Variants in TTC39C observed in about 807,000 individuals in gnomAD.
TTC39C encodes tetratricopeptide repeat domain 39C, also known as tetratricopeptide repeat protein 39C.
A neutral mutation model predicts 76.3 loss-of-function variants in TTC39C; 33 were observed. That is an observed-to-expected ratio of 0.43 (90% confidence interval 0.33 to 0.58). The LOEUF is 0.58. TTC39C is among the 20% of genes least tolerant of loss of function. TTC39C has a pLI of 0.04. For missense variants in TTC39C, 595 were observed against 701.4 expected (o/e 0.85, Z 1.71); for synonymous variants, 254 against 260.6 (o/e 0.97, Z 0.24).
chr18:24,053,806 G>A lies in TTC39C; in HGVS notation c.168-10334G>A, dbSNP rs369768772. On this transcript the variant is annotated intron_variant, in intron 1 of 13. Coordinates refer to ENST00000317571, the MANE Select transcript of TTC39C (RefSeq NM_001135993.2). ...GCCTTTATTTAGTGCTGACTTTTAC[G>A]TGTTCAAAGCACATATTTTTAGTTT... Among the ~76,000 whole-genome samples, 12 of 152,224 alleles carry A rather than the reference G, an allele frequency of 7.9e-5. No individual in the cohort carries two copies. In the East Asian group the frequency reaches 1.7e-3, roughly 22 times the overall value.
chr18:24,098,501 C>T (rs2084624522), intron 6 of TTC39C, among the ~76,000 whole-genome samples: 1 of 93,164 alleles, frequency 1.1e-5, no homozygotes, highest in South Asian at 5.2e-4. Context: ...CTCTCCTATC[C>T]TCTCCTCTCC....
At position 24,015,013 on chromosome 18, in the gene TTC39C, TCGGA is replaced by T; in HGVS notation, c.144_147del (p.Asp49SerfsTer12). On this transcript the variant is annotated frameshift_variant, in exon 1 of 14. Coordinates refer to ENST00000317571, the MANE Select transcript of TTC39C (RefSeq NM_001135993.2). LOFTEE classifies it high-confidence loss of function. ...GCTGCTCAACAACGGCTTCAGGGAG[TCGGA>T]CCAGCTTTTCAAACAATACAGGTGA... 6.6e-7 allele frequency: 1 copy of T among 1,504,858 alleles called. No individual in the cohort carries two copies. The highest frequency in any genetic ancestry group is 8.9e-7 in the Non-Finnish European group (1 of 1,125,908). 93.2% of individuals were successfully genotyped at this position (1,504,858 alleles called of 1,614,324 possible).
At chr18:24,078,991 G>A (rs1185903912) in intron 4 of TTC39C, among the ~76,000 whole-genome samples, 4 of 151,996 alleles carry the variant, frequency 2.6e-5, no homozygotes, top group South Asian at 2.1e-4. Context: ...TCTCAATTCC[G>A]GGATTGGGTT....
upstream of TTC39C, chr18:24,013,069 G>A (rs545417448): frequency 1.3e-5 from 2 of 152,216 alleles, no homozygotes; most frequent in South Asian, 2.1e-4. Flanking sequence ...CAGCCTCTCA[G>A]TGCCATGAAG....
At chr18:24,110,654 A>G (rs2084797534) in intron 6 of TTC39C, among the ~76,000 whole-genome samples, 1 of 152,216 alleles carries the variant, frequency 6.6e-6, no homozygotes, top group Non-Finnish European at 1.5e-5. Flanking sequence ...AATACCTAGG[A>G]ATATACCTAC....
rs1393465639 is a variant in TTC39C at position 24,134,822 on chromosome 18, C to G, written c.*2248C>G. On this transcript the variant is annotated 3_prime_UTR_variant, in exon 14 of 14. Coordinates refer to ENST00000317571, the MANE Select transcript of TTC39C (RefSeq NM_001135993.2). ...AGGTCCTGTGCTTTTGAATCTTTTT[C>G]AAAACATTTATTTCTGCCTGCTTAA... 6.6e-6 allele frequency: 1 copy of G among 151,922 alleles called. No individual in the cohort carries two copies. The highest frequency in any genetic ancestry group is 2.1e-4 in the South Asian group (1 of 4,826). The allele number at this position is 151,922 out of a possible 1,614,324, so 9.4% of individuals were successfully genotyped here. A position where few individuals can be genotyped will look rare whatever the true frequency, so the allele number is the denominator to read the frequency against.
At chr18:24,022,278 T>C (rs1319790319) in intron 1 of TTC39C, among the ~76,000 whole-genome samples, 1 of 150,618 alleles carries the variant, frequency 6.6e-6, no homozygotes, top group Non-Finnish European at 1.5e-5. Context: ...TTTTAAAGGC[T>C]CACATCTTTT....
At chr18:24,088,679 G>C (rs986454290) in intron 6 of TTC39C, among the ~76,000 whole-genome samples, 5 of 152,196 alleles carry the variant, frequency 3.3e-5, no homozygotes, top group Admixed American at 2.0e-4. Context: ...CTGAGAAAGG[G>C]ACAGTGATAG....
chr18:24,009,654 C>T (rs2083380615), intron 1 of TTC39C, among the ~76,000 whole-genome samples: 1 of 152,356 alleles, frequency 6.6e-6, no homozygotes, highest in African/African-American at 2.4e-5. Flanking sequence ...AGACACACCC[C>T]AGTCAAGGGC....
chr18:24,115,269 C>A (rs1341819006), intron 7 of TTC39C, among the ~76,000 whole-genome samples: 1 of 152,220 alleles, frequency 6.6e-6, no homozygotes, highest in East Asian at 1.9e-4. Context: ...TTTCCCCATT[C>A]TCCTCCAGAA....
intron 1 of TTC39C, among the ~76,000 whole-genome samples, chr18:23,993,794 TA>T (rs2083238560): frequency 6.6e-6 from 1 of 152,212 alleles, no homozygotes; most frequent in African/African-American, 2.4e-5. Flanking sequence ...TATACTAATT[TA>T]ATTGTCTTGG....
chr18:24,022,523 T>C, intron 1 of TTC39C: 1 of 981,554 alleles, frequency 1.0e-6, no homozygotes, highest in Non-Finnish European at 1.2e-6. Flanking sequence ...GACCATGTGC[T>C]ATCTACCTCT....
At chr18:24,098,673 C>T (rs988173696) in intron 6 of TTC39C, among the ~76,000 whole-genome samples, 1 of 150,968 alleles carries the variant, frequency 6.6e-6, no homozygotes, top group African/African-American at 2.4e-5. Flanking sequence ...CGCTCTATCA[C>T]CCAGGCTGGA....
chr18:23,999,469 G>T (rs370339253), intron 1 of TTC39C, among the ~76,000 whole-genome samples: 2 of 152,204 alleles, frequency 1.3e-5, no homozygotes, highest in African/African-American at 4.8e-5. Context: ...TGGTCAAAGC[G>T]GGTCCTCTGT....
At chr18:24,089,319 T>C (rs544271440) in intron 6 of TTC39C, among the ~76,000 whole-genome samples, 3 of 152,322 alleles carry the variant, frequency 2.0e-5, no homozygotes, top group African/African-American at 7.2e-5. Flanking sequence ...GTAATGTTTT[T>C]ATTTATAGGA....
intron 1 of TTC39C, among the ~76,000 whole-genome samples, chr18:24,049,683 G>A (rs1404336164): frequency 6.6e-6 from 1 of 152,204 alleles, no homozygotes; most frequent in African/African-American, 2.4e-5. Flanking sequence ...TAGAGGCCGA[G>A]CAGGAACCAT....
At position 24,082,998 on chromosome 18, in the gene TTC39C, A is replaced by G. The variant is rs2084396011; in HGVS notation, c.901A>G (p.Lys301Glu). 3.1e-6 allele frequency: 5 copies of G among 1,614,026 alleles called. No homozygotes were observed. The highest frequency in any genetic ancestry group is 4.2e-6 in the Non-Finnish European group (5 of 1,180,006). Residue 301 changes from lysine (K) to glutamate (E), a missense_variant, in exon 6 of 14, where the codon AAG (lysine) becomes GAG (glutamate). Coordinates refer to ENST00000317571, the MANE Select transcript of TTC39C (RefSeq NM_001135993.2). ...SDNKAGLDEA[K>E]EILLKKEAAY... Reference sequence around the variant, plus strand: ...TAACAAGGCAGGCCTGGATGAAGCTAAGGAAATTCTCCTTAAAAAAGAAGC... The same window carrying G: ...TAACAAGGCAGGCCTGGATGAAGCTGAGGAAATTCTCCTTAAAAAAGAAGC...
chr18:24,020,601 C>T (rs1316768161), intron 1 of TTC39C, among the ~76,000 whole-genome samples: 1 of 152,218 alleles, frequency 6.6e-6, no homozygotes. Context: ...ATCACCTACA[C>T]ACATCCTCCC....
At chr18:24,107,892 G>GGT (rs1054138325) in intron 6 of TTC39C, among the ~76,000 whole-genome samples, 75 of 145,378 alleles carry the variant, frequency 5.2e-4, no homozygotes, top group South Asian at 1.3e-3. Flanking sequence ...CCAAGTAGGG[G>GGT]GGGGGGTACA....
Sources: gnomAD v4.1 joint callset for allele counts (sites outside exome capture counted in the v4.1 genomes callset) on GRCh38, gnomAD v4.1.1 for gene constraint, MANE v1.5 for transcripts, NCBI Gene and HGNC (gene_info 2026-07-23, HGNC 2026-07-21) for gene names.